Variants in ADARB2 observed in about 807,000 individuals in gnomAD.
ADARB2 encodes inactive double-stranded RNA-specific editase B2.
A neutral mutation model predicts 62.2 loss-of-function variants in ADARB2; 25 were observed. The observed-to-expected ratio is 0.40, with a 90% confidence interval of 0.29 to 0.56. The LOEUF is 0.56. Ranked by LOEUF, ADARB2 falls within the 20% of genes least tolerant of loss-of-function variation. The pLI is 0.43. For synonymous variants in ADARB2, 572 were observed against 500.8 expected (o/e 1.14, Z -1.90); for missense variants, 1,071 against 1,077.4 (o/e 0.99, Z 0.08).
intron 2 of ADARB2, among the ~76,000 whole-genome samples, chr10:1,374,656 G>A (rs952257282): frequency 8.5e-5 from 13 of 152,164 alleles, no homozygotes; most frequent in African/African-American, 3.1e-4. Flanking sequence ...CCAGAGCTCA[G>A]GCATCCTCTC....
chr10:1,520,789 T>C (rs948272089), intron 1 of ADARB2, among the ~76,000 whole-genome samples: 7 of 152,212 alleles, frequency 4.6e-5, no homozygotes, highest in Admixed American at 4.6e-4. Context: ...TCCTGGGTGG[T>C]GGGCACTGAG....
In ADARB2 at chr10:1,301,839, T is replaced by C. The variant is rs1334885736; in HGVS notation, c.1078-30770A>G. Among the ~76,000 whole-genome samples, 7 of 152,324 alleles carry C rather than the reference T, an allele frequency of 4.6e-5. No individual in the cohort carries two copies. In the East Asian group the frequency reaches 1.2e-3, roughly 25 times the overall value. On this transcript the variant is annotated intron_variant, in intron 3 of 9. Coordinates refer to ENST00000381312, the MANE Select transcript of ADARB2 (RefSeq NM_018702.4). The stretch of plus-strand genomic sequence containing the variant: ...AAACTGGGCAGAAGCTACAGAGATG[T>C]TCCCTGTACCTGCTGCCTCCACACA...
At position 1,632,052 on chromosome 10, in the gene ADARB2, C is replaced by T. The variant is rs931854668; in HGVS notation, c.100+104999G>A. On this transcript the variant is annotated intron_variant, in intron 1 of 9. Coordinates refer to ENST00000381312, the MANE Select transcript of ADARB2 (RefSeq NM_018702.4). ...AGGACTGAGACATTTTAATAAAATG[C>T]TGTTGATTTTCAAAGGTATACATCT... Among the ~76,000 whole-genome samples, 7 of 152,270 alleles carry T rather than the reference C, an allele frequency of 4.6e-5. No individual in the cohort carries two copies. The East Asian group carries it at 1.4e-3, about 29-fold the overall frequency.
At chr10:1,633,072 G>A (rs1223377447) in intron 1 of ADARB2, among the ~76,000 whole-genome samples, 1 of 152,124 alleles carries the variant, frequency 6.6e-6, no homozygotes, top group Admixed American at 6.5e-5. Flanking sequence ...CCGTGCTCCT[G>A]CTTCCTCTCC....
intron 1 of ADARB2, among the ~76,000 whole-genome samples, chr10:1,722,169 G>A (rs926943768): frequency 1.3e-5 from 2 of 152,238 alleles, no homozygotes; most frequent in Middle Eastern, 3.4e-3. Flanking sequence ...GTGCTACAAC[G>A]TTACAACATG....
chr10:1,561,065 A>G (rs756050960), intron 1 of ADARB2, among the ~76,000 whole-genome samples: 3 of 152,256 alleles, frequency 2.0e-5, no homozygotes, highest in Non-Finnish European at 2.9e-5. Context: ...CTAGATGCTC[A>G]GTAAAAAACA....
At chr10:1,435,660 T>C (rs969325510) in intron 1 of ADARB2, among the ~76,000 whole-genome samples, 9 of 151,976 alleles carry the variant, frequency 5.9e-5, no homozygotes, top group African/African-American at 2.2e-4. Context: ...GTTCACAGCA[T>C]CGTTCCAAAA....
chr10:1,559,879 G>A (rs1467802622), intron 1 of ADARB2, among the ~76,000 whole-genome samples: 1 of 152,230 alleles, frequency 6.6e-6, no homozygotes, highest in Non-Finnish European at 1.5e-5. Context: ...CATCGCTAGA[G>A]ATGGGCGGCT....
At position 1,666,186 on chromosome 10, in the gene ADARB2, C is replaced by T. The variant is rs182527580; in HGVS notation, c.100+70865G>A. Among the ~76,000 whole-genome samples, 592 of 152,310 alleles carry T rather than the reference C, an allele frequency of 3.9e-3. 3 individuals are homozygous for T. The highest frequency in any genetic ancestry group is 0.027 in the Middle Eastern group (8 of 294). ...ACAAGGGTTCAGGGCTGCATAGAACCGGGAGGGAGAGGAAGACCCCGCTGG... is the reference window on the plus strand; with the variant it reads ...ACAAGGGTTCAGGGCTGCATAGAACTGGGAGGGAGAGGAAGACCCCGCTGG... On this transcript the variant is annotated intron_variant, in intron 1 of 9. Coordinates refer to ENST00000381312, the MANE Select transcript of ADARB2 (RefSeq NM_018702.4).
At chr10:1,561,254 G>T (rs1288843725) in intron 1 of ADARB2, among the ~76,000 whole-genome samples, 1 of 152,214 alleles carries the variant, frequency 6.6e-6, no homozygotes, top group African/African-American at 2.4e-5. Flanking sequence ...CCAGCTCTGA[G>T]TGTGTAATTG....
chr10:1,635,151 T>C (rs192823180), intron 1 of ADARB2, among the ~76,000 whole-genome samples: 53 of 152,344 alleles, frequency 3.5e-4, no homozygotes, highest in African/African-American at 1.2e-3. Context: ...AGGAGTGCCT[T>C]TAAAAAATAT....
At chr10:1,526,596 C>T (rs1832147422) in intron 1 of ADARB2, 3 of 244,206 alleles carry the variant, frequency 1.2e-5, no homozygotes, top group South Asian at 3.5e-5. Context: ...CTGCACAGGC[C>T]GCTCCCCTCC....
chr10:1,631,082 G>A (rs1176150149), intron 1 of ADARB2, among the ~76,000 whole-genome samples: 3 of 152,330 alleles, frequency 2.0e-5, no homozygotes, highest in Admixed American at 6.5e-5. Context: ...AGTGTGGGAA[G>A]AGTGGCCTGT....
At chr10:1,245,847 A>C (rs993686502) in intron 4 of ADARB2, among the ~76,000 whole-genome samples, 1 of 151,780 alleles carries the variant, frequency 6.6e-6, no homozygotes, top group South Asian at 2.1e-4. Context: ...CCTTGGGTAT[A>C]TACCCAGTAA....
intron 1 of ADARB2, among the ~76,000 whole-genome samples, chr10:1,589,330 C>T (rs983206348): frequency 4.6e-5 from 7 of 152,146 alleles, no homozygotes; most frequent in Non-Finnish European, 8.8e-5. Flanking sequence ...CATCCATGGT[C>T]GGGGCATCCA....
rs547541900 is a variant in ADARB2 at position 1,342,784 on chromosome 10, G to T, written c.1077+20244C>A. Among the ~76,000 whole-genome samples, 5 of 152,348 alleles carry T rather than the reference G, an allele frequency of 3.3e-5. No individual in the cohort carries two copies. The East Asian group carries it at 9.6e-4, about 29-fold the overall frequency. On this transcript the variant is annotated intron_variant, in intron 3 of 9. Transcript: ENST00000381312. ...TGATTAGGAAAAGAGGTCTTTTGCTGTGATCAGTTCTCATCTTCTCTCCCA... is the reference window on the plus strand; with the variant it reads ...TGATTAGGAAAAGAGGTCTTTTGCTTTGATCAGTTCTCATCTTCTCTCCCA...
intron 1 of ADARB2, among the ~76,000 whole-genome samples, chr10:1,419,429 C>A (rs1056364699): frequency 6.6e-6 from 1 of 152,212 alleles, no homozygotes; most frequent in Admixed American, 6.5e-5. Flanking sequence ...TGGAAACTTA[C>A]TATCAAACAC....
chr10:1,356,065 T>C (rs1832192284), intron 3 of ADARB2, among the ~76,000 whole-genome samples: 1 of 152,214 alleles, frequency 6.6e-6, no homozygotes, highest in Non-Finnish European at 1.5e-5. Context: ...TGAAAGTTTT[T>C]TTTTCCATGT....
intron 1 of ADARB2, among the ~76,000 whole-genome samples, chr10:1,707,300 C>T (rs377333895): frequency 3.9e-5 from 6 of 152,158 alleles, no homozygotes; most frequent in East Asian, 3.9e-4. Context: ...GGGAAGACTC[C>T]GAAGGAGGAA....
Sources: gnomAD v4.1 joint callset for allele counts (sites outside exome capture counted in the v4.1 genomes callset) on GRCh38, gnomAD v4.1.1 for gene constraint, MANE v1.5 for transcripts, NCBI Gene and HGNC (gene_info 2026-07-23, HGNC 2026-07-21) for gene names.